The following DIAPH2 variants were observed in gnomAD, a reference collection of about 807,000 sequenced individuals.
The protein encoded by DIAPH2 is protein diaphanous homolog 2.
In DIAPH2, 35 loss-of-function variants were observed where a neutral mutation model predicts 92.7. The observed-to-expected ratio is 0.38, with a 90% CI of 0.29 to 0.50. The LOEUF (loss-of-function observed/expected upper bound fraction) is 0.50, where lower values mean the gene tolerates loss of function less well. Ranked by LOEUF, DIAPH2 falls within the 20% of genes least tolerant of loss-of-function variation. The pLI is 0.94. For missense variants in DIAPH2, 701 were observed against 819.5 expected (o/e 0.86, Z 1.77); for synonymous variants, 301 against 280.4 (o/e 1.07, Z -0.73).
intron 22 of DIAPH2, among the ~76,000 whole-genome samples, chrX:97,198,136 T>C (rs779444304): frequency 9.1e-6 from 1 of 110,008 alleles, no homozygotes; most frequent in Non-Finnish European, 1.9e-5. Context: ...GAGAAGCTCA[T>C]CTTATGGTTA....
intron 4 of DIAPH2, among the ~76,000 whole-genome samples, chrX:96,817,746 T>C (rs1349547330): frequency 9.2e-6 from 1 of 109,289 alleles, no homozygotes; most frequent in Non-Finnish European, 1.9e-5. Flanking sequence ...GGGTCCCTAA[T>C]AGGGGCGCTA....
chrX:97,344,451 TA>T lies in DIAPH2; in HGVS notation c.2845-3661del, dbSNP rs775423076. ...TAATTTAAAATAAATAATAAGTTTT[TA>T]AAATTCCCACATTAAATACAGGGAT... On this transcript the variant is annotated intron_variant, in intron 23 of 26. Transcript: ENST00000324765. Among the ~76,000 whole-genome samples the T allele has an allele frequency of 1.6e-4, 18 of 112,124 alleles. No homozygotes were observed. In the East Asian group the frequency reaches 5.0e-3, roughly 31 times the overall value.
At chrX:97,179,933 C>T (rs1432419276) in intron 22 of DIAPH2, among the ~76,000 whole-genome samples, 2 of 111,696 alleles carry the variant, frequency 1.8e-5, no homozygotes, top group Non-Finnish European at 3.8e-5. Flanking sequence ...GAGACTTATT[C>T]ACTACCATGA....
At chrX:97,059,578 G>A (rs965706018) in intron 17 of DIAPH2, among the ~76,000 whole-genome samples, 6 of 112,079 alleles carry the variant, frequency 5.4e-5, no homozygotes, top group African/African-American at 1.9e-4. Flanking sequence ...AGTCTTACAG[G>A]TAACATAAAC....
chrX:96,950,049 C>G (rs1373780014), intron 15 of DIAPH2, among the ~76,000 whole-genome samples: 1 of 110,565 alleles, frequency 9.0e-6, no homozygotes, highest in Non-Finnish European at 1.9e-5. Flanking sequence ...TTACTTATCT[C>G]TAATATTTGA....
At chrX:96,883,884 A>G (rs1195344485) in intron 5 of DIAPH2, 1 of 123,168 alleles carries the variant, frequency 8.1e-6, no homozygotes, top group Non-Finnish European at 1.6e-5. Context: ...TAGAAGTTGC[A>G]GCATTAAGAA....
chrX:97,140,738 C>A (rs1345379046), intron 21 of DIAPH2, among the ~76,000 whole-genome samples: 2 of 111,584 alleles, frequency 1.8e-5, no homozygotes, highest in Non-Finnish European at 3.8e-5. Context: ...TACTCTGTTA[C>A]CTAAATATCC....
At chrX:97,132,958 A>C (rs757685391) in intron 21 of DIAPH2, among the ~76,000 whole-genome samples, 1 of 110,710 alleles carries the variant, frequency 9.0e-6, no homozygotes, top group Non-Finnish European at 1.9e-5. Context: ...AAGTTTGCTG[A>C]AGTTCATGTG....
intron 23 of DIAPH2, among the ~76,000 whole-genome samples, chrX:97,267,907 G>C (rs912946650): frequency 7.2e-5 from 8 of 111,607 alleles, no homozygotes; most frequent in African/African-American, 2.6e-4. Context: ...TTTGTCACCT[G>C]GGAGGGTTTG....
chrX:97,510,800 G>C (rs1471466307), intron 26 of DIAPH2, among the ~76,000 whole-genome samples: 2 of 94,187 alleles, frequency 2.1e-5, no homozygotes, highest in African/African-American at 7.6e-5. Context: ...TCTCAGGTTT[G>C]TCAAAGATCA....
intron 23 of DIAPH2, among the ~76,000 whole-genome samples, chrX:97,287,737 AAAAG>A (rs1271315073): frequency 9.4e-6 from 1 of 106,541 alleles, no homozygotes; most frequent in Non-Finnish European, 1.9e-5. Context: ...AAAAAAAAAA[AAAAG>A]TAAAGAAAAG....
At chrX:96,817,314 C>T (rs771691124) in intron 4 of DIAPH2, among the ~76,000 whole-genome samples, 15 of 110,756 alleles carry the variant, frequency 1.4e-4, no homozygotes, top group Admixed American at 1.1e-3. Context: ...ACTGCACGCC[C>T]GTATCACCAT....
chrX:97,558,452 T>A (rs2071271817), intron 26 of DIAPH2, among the ~76,000 whole-genome samples: 1 of 111,531 alleles, frequency 9.0e-6, no homozygotes, highest in Non-Finnish European at 1.9e-5. Flanking sequence ...AAAAATTAAG[T>A]CCGTGTGGTT....
chrX:96,874,043 C>T (rs2065162186), intron 4 of DIAPH2, among the ~76,000 whole-genome samples: 1 of 111,847 alleles, frequency 8.9e-6, no homozygotes, highest in African/African-American at 3.2e-5. Context: ...GGTATTTTCA[C>T]AAGTGCACTA....
intron 26 of DIAPH2, among the ~76,000 whole-genome samples, chrX:97,561,104 T>A (rs1312577383): frequency 8.9e-6 from 1 of 112,233 alleles, no homozygotes; most frequent in Non-Finnish European, 1.9e-5. Flanking sequence ...CCCCTTCTTT[T>A]AGTGCTTATC....
intron 4 of DIAPH2, among the ~76,000 whole-genome samples, chrX:96,809,528 T>G (rs745791589): frequency 1.8e-5 from 2 of 110,223 alleles, no homozygotes; most frequent in South Asian, 7.7e-4. Context: ...CTTTTTTTTT[T>G]TAATCATACT....
At chrX:97,323,903 CA>C (rs1052365967) in intron 23 of DIAPH2, among the ~76,000 whole-genome samples, 767 of 39,180 alleles carry the variant, frequency 0.02, 15 homozygotes, top group Admixed American at 0.11. Context: ...AACTCTGTCT[CA>C]AAAAAAAAAA....
At chrX:97,299,355 G>A (rs2068674628) in intron 23 of DIAPH2, among the ~76,000 whole-genome samples, 1 of 111,771 alleles carries the variant, frequency 8.9e-6, no homozygotes, top group Admixed American at 9.6e-5. Context: ...CAACCCCTAT[G>A]GATAAGATGT....
chrX:96,857,435 C>T (rs1286094018), intron 4 of DIAPH2, among the ~76,000 whole-genome samples: 4 of 112,213 alleles, frequency 3.6e-5, no homozygotes, highest in African/African-American at 1.3e-4. Context: ...TATCATAGTA[C>T]TGAGTGTTTC....
Sources: gnomAD v4.1 joint callset for allele counts (sites outside exome capture counted in the v4.1 genomes callset) on GRCh38, gnomAD v4.1.1 for gene constraint, MANE v1.5 for transcripts, NCBI Gene and HGNC (gene_info 2026-07-23, HGNC 2026-07-21) for gene names.